TDRD9: variants seen among roughly 807,000 people sequenced by gnomAD.
TDRD9 encodes the protein ATP-dependent RNA helicase TDRD9.
TDRD9 carries 124 observed loss-of-function variants against 172.6 expected under a neutral mutation model. The ratio of observed to expected loss-of-function variants is 0.72; its 90% confidence interval spans 0.62 to 0.83. The LOEUF (loss-of-function observed/expected upper bound fraction) is 0.83. Among genes scored for constraint, TDRD9 ranks in the 40% least tolerant of loss-of-function variants. The pLI is 0.00. For synonymous variants in TDRD9, 619 were observed against 617.1 expected, an observed-to-expected ratio of 1.00 and a Z score of -0.05; for missense variants, 1,479 against 1,714.1, an observed-to-expected ratio of 0.86 and a Z score of 2.42.
chr14:103,931,754 G>T (rs1408931065), intron 1 of TDRD9, among the ~76,000 whole-genome samples: 1 of 152,194 alleles, frequency 6.6e-6, no homozygotes, highest in Admixed American at 6.5e-5. Context: ...CAGATCATAG[G>T]ACAGGAAGAT....
At chr14:104,010,679 C>T (rs1033980974) in intron 20 of TDRD9, among the ~76,000 whole-genome samples, 14 of 151,496 alleles carry the variant, frequency 9.2e-5, no homozygotes, top group African/African-American at 3.2e-4. Flanking sequence ...ATCCATAAGC[C>T]AGTAACATAG....
chr14:104,005,512 C>T (rs939735359), intron 15 of TDRD9, 107 bp downstream of exon 15: 49 of 1,221,042 alleles, frequency 4.0e-5, no homozygotes, highest in Non-Finnish European at 5.4e-5. Flanking sequence ...CCTCCCGCCT[C>T]ACTTTCCCGC....
At chr14:104,009,618 AATATAACTTTTT>A (rs1386691660) in intron 20 of TDRD9, among the ~76,000 whole-genome samples, 1 of 152,248 alleles carries the variant, frequency 6.6e-6, no homozygotes, top group East Asian at 1.9e-4. Flanking sequence ...ATTGTAGCTT[AATATAACTTTTT>A]TTAACTTGAT....
At chr14:103,973,064 C>T (rs2033099704) in intron 6 of TDRD9, among the ~76,000 whole-genome samples, 1 of 152,140 alleles carries the variant, frequency 6.6e-6, no homozygotes, top group African/African-American at 2.4e-5. Context: ...AGTGGATTAA[C>T]AAAACCCTAC....
chr14:103,987,124 A>ATATATACACG (rs58110697), intron 8 of TDRD9, among the ~76,000 whole-genome samples: 2 of 47,448 alleles, frequency 4.2e-5, no homozygotes, highest in Non-Finnish European at 4.3e-5. Flanking sequence ...AAAAATATAT[A>ATATATACACG]CACACACACA....
chr14:104,001,611 T>G (rs1488105088), intron 13 of TDRD9, among the ~76,000 whole-genome samples: 1 of 152,026 alleles, frequency 6.6e-6, no homozygotes, highest in Non-Finnish European at 1.5e-5. Flanking sequence ...TATGTTTAGT[T>G]TCTTTTGTTT....
intron 2 of TDRD9, among the ~76,000 whole-genome samples, chr14:103,956,097 AAAAAAAAAAAAAAAATAT>A (rs1219627956): frequency 2.7e-4 from 14 of 51,008 alleles, no homozygotes; most frequent in Middle Eastern, 8.3e-3. Flanking sequence ...AAAAAAAAAA[AAAAAAAAAAAAAAAATAT>A]ATATATATAT....
rs2035364734 is a variant in TDRD9 at position 104,033,976 on chromosome 14, A to G, written c.3526A>G (p.Lys1176Glu). The G allele has an allele frequency of 6.5e-7, 1 of 1,549,960 alleles. No individual in the cohort carries two copies. Among genetic ancestry groups the G allele is most frequent in the Admixed American group, 2.0e-5 (1 of 50,958 alleles). The change falls in exon 31 of 36, where the codon AAG becomes GAG. Residue 1176 changes from lysine (K) to glutamate (E), a missense_variant. Transcript: ENST00000409874. Reference sequence around the variant, plus strand: ...GCCTTTTAGGTGTGTTTGGATTGAGAAGGAGAGCATCAACTCTGTCATTAT... The same window carrying G: ...GCCTTTTAGGTGTGTTTGGATTGAGGAGGAGAGCATCAACTCTGTCATTAT... Reference protein sequence around the residue: ...ISKFRCVWIEKESINSVIISD... With the variant: ...ISKFRCVWIEEESINSVIISD...
rs551900095 is a variant in TDRD9, at chr14:103,943,425, A to G, written c.216-12239A>G. Among the ~76,000 whole-genome samples, 18 of 150,650 alleles carry G rather than the reference A, an allele frequency of 1.2e-4. No individual in the cohort carries two copies. The South Asian group carries it at 3.5e-3, about 30-fold the overall frequency. On this transcript the variant is annotated intron_variant, in intron 1 of 35. Coordinates refer to ENST00000409874, the MANE Select transcript of TDRD9 (RefSeq NM_153046.3). ...CATATATGTATATATACACATAAGT[A>G]TATATACGCATATGTATATGTATTA...
At position 104,014,751 on chromosome 14, in the gene TDRD9, G is replaced by A; in HGVS notation, c.2133G>A (p.Lys711=). 2 of 1,609,934 alleles carry A rather than the reference G, an allele frequency of 1.2e-6. No individual in the cohort carries two copies. The highest frequency in any genetic ancestry group is 2.2e-5 in the East Asian group (1 of 44,840). The change falls in exon 21 of 36, where the codon AAG becomes AAA. Residue 711 remains lysine (K), a synonymous_variant. Coordinates refer to ENST00000409874, the MANE Select transcript of TDRD9 (RefSeq NM_153046.3). ...TGGCTGAATTATATGAAGAATTGAAGACTAGAATCTCACAGTTCAACATGC... is the reference window on the plus strand; with the variant it reads ...TGGCTGAATTATATGAAGAATTGAAAACTAGAATCTCACAGTTCAACATGC... ...REVAELYEEL[K]TRISQFNMHV...
intron 22 of TDRD9, 44 bp from the exon 23 acceptor site, chr14:104,018,048 G>T: frequency 8.5e-7 from 1 of 1,171,476 alleles, no homozygotes; most frequent in Non-Finnish European, 1.2e-6. Flanking sequence ...AAACTATTTT[G>T]TTAGCTCTAG....
intron 2 of TDRD9, among the ~76,000 whole-genome samples, chr14:103,960,306 T>A (rs2032448704): frequency 1.3e-5 from 2 of 152,142 alleles, no homozygotes; most frequent in Admixed American, 1.3e-4. Flanking sequence ...GTGCTGAACT[T>A]TTTGGTTAGA....
chr14:103,956,120 A>G (rs1440441008), intron 2 of TDRD9, among the ~76,000 whole-genome samples: 1 of 52,388 alleles, frequency 1.9e-5, no homozygotes, highest in Admixed American at 2.0e-4. Flanking sequence ...AAATATATAT[A>G]TATATATATA....
intron 6 of TDRD9, among the ~76,000 whole-genome samples, chr14:103,972,432 G>A (rs770671685): frequency 2.0e-5 from 3 of 152,266 alleles, no homozygotes; most frequent in Non-Finnish European, 4.4e-5. Context: ...GACGTAAGTA[G>A]AGTTAACTGA....
chr14:104,040,150 T>TTA, intron 32 of TDRD9, 46 bp from the exon 33 acceptor site: 1 of 1,372,332 alleles, frequency 7.3e-7, no homozygotes. Context: ...AACATATACT[T>TTA]TAACAATTCT....
intron 8 of TDRD9, among the ~76,000 whole-genome samples, chr14:103,989,180 A>G (rs1323094104): frequency 6.6e-6 from 1 of 152,108 alleles, no homozygotes; most frequent in Non-Finnish European, 1.5e-5. Context: ...ATGTCATCCC[A>G]CTGCTTTCTG....
At chr14:103,957,207 G>T (rs528378107) in intron 2 of TDRD9, among the ~76,000 whole-genome samples, 1 of 152,144 alleles carries the variant, frequency 6.6e-6, no homozygotes, top group Non-Finnish European at 1.5e-5. Context: ...TTTGGTCAGT[G>T]TGCTCTGTTC....
chr14:104,035,901 G>T (rs1261812976), intron 32 of TDRD9, among the ~76,000 whole-genome samples: 1 of 152,124 alleles, frequency 6.6e-6, no homozygotes, highest in Non-Finnish European at 1.5e-5. Context: ...GTCAAGGCAG[G>T]TGGAAGGGCC....
At chr14:103,935,102 C>T (rs1351222493) in intron 1 of TDRD9, among the ~76,000 whole-genome samples, 2 of 152,216 alleles carry the variant, frequency 1.3e-5, no homozygotes, top group Non-Finnish European at 2.9e-5. Context: ...CAACCCTTTC[C>T]TGGGTCTCCA....
Sources: allele counts gnomAD v4.1 joint callset (sites outside exome capture counted in the v4.1 genomes callset), GRCh38; gene constraint gnomAD v4.1.1; transcripts MANE v1.5; gene names NCBI Gene and HGNC (gene_info 2026-07-23, HGNC 2026-07-21).